The following MTA3 variants were observed in gnomAD, a reference collection of about 807,000 sequenced individuals.
MTA3 encodes metastasis-associated protein MTA3.
A neutral mutation model predicts 83.5 loss-of-function variants in MTA3; 34 were observed. The observed-to-expected ratio is 0.41, with a 90% CI of 0.31 to 0.54. The LOEUF (loss-of-function observed/expected upper bound fraction) is 0.54. Ranked by LOEUF, MTA3 falls within the 20% of genes least tolerant of loss-of-function variation. The pLI is 0.33. For missense variants in MTA3, 761 were observed against 726.4 expected (o/e 1.05, Z -0.55); for synonymous variants, 303 against 252.7 (o/e 1.20, Z -1.89).
chr2:42,500,704 A>G (rs1012370285), intron 2 of MTA3, among the ~76,000 whole-genome samples: 7 of 152,192 alleles, frequency 4.6e-5, no homozygotes, highest in African/African-American at 1.7e-4. Flanking sequence ...TAAATTAACA[A>G]GAGAAACACA....
At chr2:42,726,391 C>A (rs1160188849) in intron 16 of MTA3, among the ~76,000 whole-genome samples, 1 of 150,746 alleles carries the variant, frequency 6.6e-6, no homozygotes, top group Non-Finnish European at 1.5e-5. Flanking sequence ...TTTTAGGGTA[C>A]ATGTGCACAA....
At chr2:42,729,086 GTTTTTTTTTTTT>G (rs1216600680) in intron 16 of MTA3, among the ~76,000 whole-genome samples, 1 of 60,142 alleles carries the variant, frequency 1.7e-5, no homozygotes, top group Admixed American at 2.6e-4. Flanking sequence ...CACAGTTTGA[GTTTTTTTTTTTT>G]TTTTTTTTTT....
intron 3 of MTA3, among the ~76,000 whole-genome samples, chr2:42,607,039 C>T (rs1437988186): frequency 2.1e-5 from 3 of 145,522 alleles, no homozygotes; most frequent in Admixed American, 1.4e-4. Context: ...GCTTCGGCTC[C>T]GCATGAGAGG....
At chr2:42,741,230 C>A (rs549826436) in intron 16 of MTA3, among the ~76,000 whole-genome samples, 5 of 152,310 alleles carry the variant, frequency 3.3e-5, no homozygotes, top group African/African-American at 1.2e-4. Flanking sequence ...GAGTTAGGGC[C>A]CTGCTCTGGA....
intron 4 of MTA3, among the ~76,000 whole-genome samples, chr2:42,628,246 T>A (rs367954252): frequency 8.2e-5 from 6 of 73,368 alleles, no homozygotes; most frequent in Non-Finnish European, 2.8e-5. Context: ...TTATTTATTT[T>A]TGAGATGGAG....
At chr2:42,548,617 A>T (rs556440486) in intron 2 of MTA3, among the ~76,000 whole-genome samples, 11 of 146,850 alleles carry the variant, frequency 7.5e-5, no homozygotes, top group Middle Eastern at 7.1e-3. Context: ...CATGGCAAAA[A>T]CGCCATCTCT....
intron 8 of MTA3, among the ~76,000 whole-genome samples, chr2:42,676,580 A>G (rs564542588): frequency 2.0e-5 from 3 of 152,314 alleles, no homozygotes; most frequent in African/African-American, 7.2e-5. Flanking sequence ...AGCCCGGGCA[A>G]CATGGCAAAA....
chr2:42,611,607 G>A (rs981632209), intron 4 of MTA3, among the ~76,000 whole-genome samples: 3 of 152,166 alleles, frequency 2.0e-5, no homozygotes, highest in South Asian at 2.1e-4. Context: ...CATGATGCCA[G>A]TAGTTTGAGC....
intron 2 of MTA3, among the ~76,000 whole-genome samples, chr2:42,574,424 C>T (rs757268430): frequency 6.6e-6 from 1 of 151,864 alleles, no homozygotes; most frequent in African/African-American, 2.4e-5. Flanking sequence ...CCATGCCCGG[C>T]CTCCTTTTCT....
upstream of MTA3, among the ~76,000 whole-genome samples, chr2:42,566,305 C>G (rs1344234162): frequency 6.6e-6 from 1 of 152,084 alleles, no homozygotes; most frequent in African/African-American, 2.4e-5. Flanking sequence ...TATGTGTGAA[C>G]CTCTCTGGAA....
intron 16 of MTA3, among the ~76,000 whole-genome samples, chr2:42,745,157 G>C (rs549316037): frequency 6.6e-6 from 1 of 152,144 alleles, no homozygotes; most frequent in Non-Finnish European, 1.5e-5. Flanking sequence ...ACATATAAAT[G>C]AACATGAAAA....
intron 2 of MTA3, among the ~76,000 whole-genome samples, chr2:42,549,500 T>TCATA (rs1553340893): frequency 8.6e-5 from 8 of 92,658 alleles, no homozygotes; most frequent in Non-Finnish European, 1.4e-4. Context: ...ATATATTATA[T>TCATA]CATATATAAT....
At chr2:42,606,565 G>A (rs1445885045) in intron 3 of MTA3, among the ~76,000 whole-genome samples, 7 of 140,544 alleles carry the variant, frequency 5.0e-5, no homozygotes, top group African/African-American at 1.6e-4. Context: ...ATGGGATGGC[G>A]GCCGGGCGGA....
chr2:42,619,506 T>A (rs1397917168), intron 4 of MTA3, among the ~76,000 whole-genome samples: 2 of 152,140 alleles, frequency 1.3e-5, no homozygotes, highest in African/African-American at 4.8e-5. Context: ...AACCTCTACA[T>A]ACAAAGTAAA....
chr2:42,552,429 C>A (rs1677156562), intron 2 of MTA3, among the ~76,000 whole-genome samples: 1 of 152,086 alleles, frequency 6.6e-6, no homozygotes, highest in Admixed American at 6.6e-5. Flanking sequence ...AACTTTCTCT[C>A]ACTTGGACTA....
chr2:42,506,266 G>A (rs1674622416), intron 2 of MTA3, among the ~76,000 whole-genome samples: 1 of 152,054 alleles, frequency 6.6e-6, no homozygotes. Context: ...GCAACATAGT[G>A]AGACCCTGTC....
At chr2:42,531,106 A>T (rs930586270) in intron 2 of MTA3, among the ~76,000 whole-genome samples, 3 of 152,176 alleles carry the variant, frequency 2.0e-5, no homozygotes, top group Admixed American at 2.0e-4. Context: ...TTGGGATTAC[A>T]TGTGTGAGCT....
At chr2:42,504,432 C>T (rs1035496445) in intron 2 of MTA3, among the ~76,000 whole-genome samples, 2 of 151,650 alleles carry the variant, frequency 1.3e-5, no homozygotes, top group African/African-American at 4.8e-5. Flanking sequence ...GTAGAGATGG[C>T]GTTTCGCCAT....
intron 2 of MTA3, chr2:42,532,946 G>A (rs575209446): frequency 4.4e-5 from 11 of 248,780 alleles, no homozygotes; most frequent in Middle Eastern, 1.5e-3. Flanking sequence ...TCAGCTCAGA[G>A]AGTGCTTAAT....
Sources: allele counts gnomAD v4.1 joint callset (sites outside exome capture counted in the v4.1 genomes callset), GRCh38; gene constraint gnomAD v4.1.1; transcripts MANE v1.5; gene names NCBI Gene and HGNC (gene_info 2026-07-23, HGNC 2026-07-21).